The following SEMA3D variants were observed in gnomAD, a reference collection of about 807,000 sequenced individuals.
SEMA3D encodes semaphorin-3D.
A neutral mutation model predicts 100.1 loss-of-function variants in SEMA3D; 84 were observed. That is an observed-to-expected ratio of 0.84 (90% CI 0.70 to 1.01). The LOEUF (loss-of-function observed/expected upper bound fraction) is 1.01, where lower values mean the gene tolerates loss of function less well. SEMA3D is among the 50% of genes least tolerant of loss of function. The pLI is 0.00. For synonymous variants in SEMA3D, 312 were observed against 320.7 expected, an observed-to-expected ratio of 0.97 and a Z score of 0.29; for missense variants, 875 against 934.1, an observed-to-expected ratio of 0.94 and a Z score of 0.82.
At position 85,160,513 on chromosome 7, in the gene SEMA3D, T is replaced by C. The variant is rs555553419; in HGVS notation, c.-172-6774A>G. On this transcript the variant is annotated intron_variant, in intron 1 of 18. Coordinates refer to ENST00000284136, the MANE Select transcript of SEMA3D (RefSeq NM_001384900.1). ...TTAGCCAGAAGGCAGCTTAGGCAAA[T>C]GGGGGCGATGCGGTTTGCCTGACTC... Among the ~76,000 whole-genome samples, 4 of 152,070 alleles carry C rather than the reference T, an allele frequency of 2.6e-5. No individual in the cohort carries two copies. In the East Asian group the frequency reaches 7.8e-4, roughly 29 times the overall value.
At chr7:85,031,495 G>A (rs939299475) in intron 12 of SEMA3D, among the ~76,000 whole-genome samples, 11 of 152,082 alleles carry the variant, frequency 7.2e-5, no homozygotes, top group Admixed American at 7.2e-4. Context: ...CTTGTGCAGA[G>A]AATAGACAAA....
chr7:85,102,539 A>G (rs761867450), intron 3 of SEMA3D, among the ~76,000 whole-genome samples: 1 of 152,018 alleles, frequency 6.6e-6, no homozygotes, highest in Non-Finnish European at 1.5e-5. Context: ...ATTACAGCCT[A>G]TGATGGCAGG....
chr7:85,142,392 C>G (rs1432811752), intron 2 of SEMA3D: 1 of 898,206 alleles, frequency 1.1e-6, no homozygotes, highest in Admixed American at 6.2e-5. Context: ...GAAATTATAA[C>G]CTTATTTAAA....
At chr7:85,013,573 C>T (rs1290530721) in intron 16 of SEMA3D, among the ~76,000 whole-genome samples, 1 of 151,636 alleles carries the variant, frequency 6.6e-6, no homozygotes, top group African/African-American at 2.4e-5. Context: ...CTTTCATTTG[C>T]TTTGGCTATT....
At chr7:85,246,697 A>C in the SEMA3D span, among the ~76,000 whole-genome samples, 6 of 151,970 alleles carry the variant, frequency 3.9e-5, no homozygotes, top group African/African-American at 1.4e-4. Flanking sequence ...ACTGAAAAAA[A>C]CCTGATAATA....
chr7:85,023,743 A>G (rs1213221259), intron 12 of SEMA3D, among the ~76,000 whole-genome samples: 1 of 151,970 alleles, frequency 6.6e-6, no homozygotes, highest in Non-Finnish European at 1.5e-5. Context: ...TGAAGATACT[A>G]GAACTAGTCC....
intron 2 of SEMA3D, among the ~76,000 whole-genome samples, chr7:85,131,148 T>C (rs1199778598): frequency 2.0e-5 from 3 of 152,118 alleles, no homozygotes; most frequent in Non-Finnish European, 4.4e-5. Flanking sequence ...AATTATGGTT[T>C]TAAAGACAAT....
the SEMA3D span, among the ~76,000 whole-genome samples, chr7:85,219,265 C>T: frequency 6.6e-6 from 1 of 151,930 alleles, no homozygotes; most frequent in Non-Finnish European, 1.5e-5. Context: ...GAAATAAAAC[C>T]AGGAGTCCTT....
chr7:85,020,396 GCAAAT>G, intron 13 of SEMA3D, 75 bp from the exon 14 acceptor site: 1 of 968,424 alleles, frequency 1.0e-6, no homozygotes. Flanking sequence ...CTAGAAACCT[GCAAAT>G]CATTCCCCTC....
intron 5 of SEMA3D, among the ~76,000 whole-genome samples, chr7:85,079,790 G>A (rs1416004164): frequency 6.6e-6 from 1 of 152,084 alleles, no homozygotes; most frequent in East Asian, 1.9e-4. Flanking sequence ...ATACAAAAAT[G>A]TTCATGCTGG....
chr7:85,118,656 T>C (rs1338222213), intron 3 of SEMA3D, among the ~76,000 whole-genome samples: 1 of 152,162 alleles, frequency 6.6e-6, no homozygotes, highest in African/African-American at 2.4e-5. Context: ...TCCTCATAGA[T>C]GCTTTATATT....
chr7:85,076,527 A>G (rs1160780222), intron 5 of SEMA3D, among the ~76,000 whole-genome samples: 1 of 152,204 alleles, frequency 6.6e-6, no homozygotes, highest in African/African-American at 2.4e-5. Flanking sequence ...AATTCTCAAG[A>G]CATATGTAGG....
the SEMA3D span, among the ~76,000 whole-genome samples, chr7:85,237,780 T>C: frequency 6.6e-6 from 1 of 152,216 alleles, no homozygotes; most frequent in African/African-American, 2.4e-5. Context: ...GCGTAAGTTT[T>C]CAGTTCATTT....
At chr7:85,120,953 G>T (rs1284099163) in intron 3 of SEMA3D, among the ~76,000 whole-genome samples, 1 of 151,976 alleles carries the variant, frequency 6.6e-6, no homozygotes, top group Non-Finnish European at 1.5e-5. Flanking sequence ...CATCCAATTT[G>T]CTTTTATTAT....
chr7:85,051,287 C>G (rs1279246517), intron 9 of SEMA3D, among the ~76,000 whole-genome samples: 2 of 151,882 alleles, frequency 1.3e-5, no homozygotes, highest in Admixed American at 1.3e-4. Context: ...TTCACATCAT[C>G]CAGGCAAAAG....
chr7:85,142,820 G>A (rs1007808597), intron 2 of SEMA3D: 3 of 984,702 alleles, frequency 3.0e-6, no homozygotes, highest in African/African-American at 3.5e-5. Context: ...GCTGGGTGAT[G>A]GTTTCTCAAA....
the SEMA3D span, among the ~76,000 whole-genome samples, chr7:85,239,956 T>C: frequency 6.6e-6 from 1 of 152,224 alleles, no homozygotes; most frequent in Admixed American, 6.5e-5. Flanking sequence ...TCATGTTTTC[T>C]ACAAAGATAG....
intron 1 of SEMA3D, among the ~76,000 whole-genome samples, chr7:85,177,532 G>T (rs186400251): frequency 1.1e-4 from 16 of 152,238 alleles, no homozygotes; most frequent in Admixed American, 3.3e-4. Context: ...CACTGATGTT[G>T]TGTCTTGTCA....
chr7:85,132,276 A>G (rs554541559), intron 2 of SEMA3D, among the ~76,000 whole-genome samples: 14 of 152,056 alleles, frequency 9.2e-5, no homozygotes, highest in African/African-American at 2.9e-4. Context: ...TTTATTGACT[A>G]TGGAAACTCG....
Sources: allele counts gnomAD v4.1 joint callset (sites outside exome capture counted in the v4.1 genomes callset), GRCh38; gene constraint gnomAD v4.1.1; transcripts MANE v1.5; gene names NCBI Gene and HGNC (gene_info 2026-07-23, HGNC 2026-07-21).